The following NAT8L variants were observed in gnomAD, a reference collection of about 807,000 sequenced individuals.
NAT8L encodes aspartate N-acetyltransferase, also known as N-acetylaspartate synthetase.
A neutral mutation model predicts 21.2 loss-of-function variants in NAT8L; 6 were observed. The ratio of observed to expected loss-of-function variants is 0.28; its 90% confidence interval spans 0.16 to 0.56. The LOEUF (loss-of-function observed/expected upper bound fraction) is 0.56. Ranked by LOEUF, NAT8L falls within the 20% of genes least tolerant of loss-of-function variation. The pLI, the probability that NAT8L is intolerant of heterozygous loss-of-function variation, is 0.93. For missense variants in NAT8L, 331 were observed against 433.3 expected (o/e 0.76, Z 2.10); for synonymous variants, 239 against 204.9 (o/e 1.17, Z -1.42).
intron 2 of NAT8L, among the ~76,000 whole-genome samples, chr4:2,062,921 G>T (rs1304633126): frequency 2.0e-5 from 3 of 152,198 alleles, no homozygotes; most frequent in Non-Finnish European, 4.4e-5. Context: ...AGGTGGCTGG[G>T]CTTCCCCTGT....
Position 2,068,173 on chromosome 4 carries a change from ATG to A in NAT8L, c.*4051_*4052del, listed in dbSNP as rs1730043193. 2.0e-5 allele frequency: 3 copies of A among 152,004 alleles called. 1 individual carries two copies. The highest frequency in any genetic ancestry group is 7.3e-5 in the African/African-American group (3 of 41,324). 9.4% of individuals were successfully genotyped at this position (152,004 alleles called of 1,614,324 possible). ...GTTCTTGGATATGTGTAGTGTGAGCATGTGTGCATGTGTGAGCCTGTGCACGT... is the reference window on the plus strand; with the variant it reads ...GTTCTTGGATATGTGTAGTGTGAGCATGTGCATGTGTGAGCCTGTGCACGT... On this transcript the variant is annotated 3_prime_UTR_variant, in exon 3 of 3. Transcript: ENST00000423729.
rs1266298093 is a variant in NAT8L, at chr4:2,067,730, CGAGG to C, written c.*3606_*3609del. ...GTGGGGCCACCTTCCTGTCAGTGCC[CGAGG>C]GACGGTGGGACAGTTGCCCCTGCGC... On this transcript the variant is annotated 3_prime_UTR_variant, in exon 3 of 3. Transcript: ENST00000423729. 1 of 152,256 alleles carries C rather than the reference CGAGG, an allele frequency of 6.6e-6. No homozygotes were observed. Among genetic ancestry groups the C allele is most frequent in the Non-Finnish European group, 1.5e-5 (1 of 68,058 alleles). The allele number at this position is 152,256 out of a possible 1,614,324, so 9.4% of individuals were successfully genotyped here.
rs573031461 is a variant in NAT8L, at chr4:2,067,547, A to T, written c.*3420A>T. 1 of 152,184 alleles carries T rather than the reference A, an allele frequency of 6.6e-6. No homozygotes were observed. The highest frequency in any genetic ancestry group is 1.5e-5 in the Non-Finnish European group (1 of 68,080). The allele number at this position is 152,184 out of a possible 1,614,324, so 9.4% of individuals were successfully genotyped here. On this transcript the variant is annotated 3_prime_UTR_variant, in exon 3 of 3. Coordinates refer to ENST00000423729, the MANE Select transcript of NAT8L (RefSeq NM_178557.4). Reference sequence around the variant, plus strand: ...TGGGGAAGCTCTCTGGGCCATAGGGACCTGGCTCCCCTCTGAGAGGCCCGC... The same window carrying T: ...TGGGGAAGCTCTCTGGGCCATAGGGTCCTGGCTCCCCTCTGAGAGGCCCGC...
chr4:2,063,751 C>G lies in NAT8L; in HGVS notation c.542-9C>G. On this transcript the variant is annotated splice_polypyrimidine_tract_variant and intron_variant, in intron 2 of 2. Transcript: ENST00000423729. ...CACCGGGTGTCCCTGACCGCCCTAT[C>G]CCCTGCAGGCTCCTGCTTCTGGGTG... 6.2e-7 allele frequency: 1 copy of G among 1,610,514 alleles called. No individual in the cohort carries two copies. Among genetic ancestry groups the G allele is most frequent in the South Asian group, 1.1e-5 (1 of 91,070 alleles).
Position 2,066,551 on chromosome 4 carries a change from TGGGTGGGCCTGAC to T in NAT8L, c.*2425_*2437del, listed in dbSNP as rs2108682036. ...CCGGGGCTGGAGGCCGGGTGCCTGG[TGGGTGGGCCTGAC>T]CTGGCCCACCTCATCCCTCCAGCCT... On this transcript the variant is annotated 3_prime_UTR_variant, in exon 3 of 3. Transcript: ENST00000423729. The T allele has an allele frequency of 6.6e-6, 1 of 152,296 alleles. No homozygotes were observed. 9.4% of individuals were successfully genotyped at this position (152,296 alleles called of 1,614,324 possible).
At position 2,060,735 on chromosome 4, in the gene NAT8L, C is replaced by T. The variant is rs1463055957; in HGVS notation, c.377-263C>T. ...CCAGCGTGGGCAGAGTCCTTCCCGG[C>T]CCGGCCATCCCGAGGGTGTCCTGCC... is the stretch of plus-strand genomic sequence containing the variant. On this transcript the variant is annotated intron_variant, in intron 1 of 2. Coordinates refer to ENST00000423729, the MANE Select transcript of NAT8L (RefSeq NM_178557.4). This position sits in a 1 kb window ranked among gnomAD's most constrained non-coding sequence, Gnocchi z 4.7. Among the ~76,000 whole-genome samples, 2 of 152,252 alleles carry T rather than the reference C, an allele frequency of 1.3e-5. No homozygotes were observed. The highest frequency in any genetic ancestry group is 4.8e-5 in the African/African-American group (2 of 41,556).
Position 2,059,775 on chromosome 4 carries a change from G to A in NAT8L, c.264G>A (p.Gln88=). 1 of 1,352,300 alleles carries A rather than the reference G, an allele frequency of 7.4e-7. No individual in the cohort carries two copies. Among genetic ancestry groups the A allele is most frequent in the East Asian group, 3.7e-5 (1 of 26,812 alleles). The allele number at this position is 1,352,300 out of a possible 1,614,324, so 83.8% of individuals were successfully genotyped here. Residue 88 remains glutamine, a synonymous_variant, in exon 1 of 3, where the codon CAG becomes CAA. Coordinates refer to ENST00000423729, the MANE Select transcript of NAT8L (RefSeq NM_178557.4). This position sits in a 1 kb window ranked among gnomAD's most constrained non-coding sequence, Gnocchi z 4.8. ...TCCGCGAGTTCCGTGCGGCCGAGCA[G>A]GAGGCGGCGCGCCGCATCTTCTACG... ...VCIREFRAAE[Q]EAARRIFYDG... is the part of the protein sequence containing the mutation.
chr4:2,059,859 C>A lies in NAT8L; in HGVS notation c.348C>A (p.Arg116=). 7.3e-7 allele frequency: 1 copy of A among 1,377,590 alleles called. No individual in the cohort carries two copies. Among genetic ancestry groups the A allele is most frequent in the Non-Finnish European group, 9.5e-7 (1 of 1,054,714 alleles). 85.3% of individuals were successfully genotyped at this position (1,377,590 alleles called of 1,614,324 possible). The stretch of plus-strand genomic sequence containing the variant: ...TCCGCGGCCTGCGGCAGCACCCGCG[C>A]GCGCAGCTGCTCTACGCCCTGCTGG... The part of the protein sequence containing the change: ...TAFRGLRQHP[R]AQLLYALLAA... The change falls in exon 1 of 3, where the codon CGC becomes CGA. Residue 116 remains arginine (R), a synonymous_variant. Transcript: ENST00000423729. The surrounding 1 kb of genome is among the most constrained non-coding windows in gnomAD (Gnocchi z 4.8).
rs1399697431 is a variant in NAT8L, at chr4:2,060,960, C to G, written c.377-38C>G. 1 of 1,269,932 alleles carries G rather than the reference C, an allele frequency of 7.9e-7. No individual in the cohort carries two copies. The highest frequency in any genetic ancestry group is 1.6e-5 in the African/African-American group (1 of 63,900). 78.7% of individuals were successfully genotyped at this position (1,269,932 alleles called of 1,614,324 possible). On this transcript the variant is annotated intron_variant, in intron 1 of 2. Coordinates refer to ENST00000423729, the MANE Select transcript of NAT8L (RefSeq NM_178557.4). The surrounding 1 kb of genome is among the most constrained non-coding windows in gnomAD (Gnocchi z 4.7). ...GGGTGGCGTCTCTGGGGCCTGGGGACCCCCGCCGCGCCGCTGACCCGCGCC... is the reference window on the plus strand; with the variant it reads ...GGGTGGCGTCTCTGGGGCCTGGGGAGCCCCGCCGCGCCGCTGACCCGCGCC...
In NAT8L at chr4:2,060,312, C is replaced by T. The variant is rs1031769498; in HGVS notation, c.376+425C>T. ...GACAGCCGGCGCCGCGGGGGGTGCG[C>T]GCGCCTGGCACAGCCGGGGCGGTCG... is the stretch of plus-strand genomic sequence containing the variant. On this transcript the variant is annotated intron_variant, in intron 1 of 2. Coordinates refer to ENST00000423729, the MANE Select transcript of NAT8L (RefSeq NM_178557.4). This position sits in a 1 kb window ranked among gnomAD's most constrained non-coding sequence, Gnocchi z 4.7. Among the ~76,000 whole-genome samples the T allele has an allele frequency of 2.0e-5, 3 of 152,194 alleles. No individual in the cohort carries two copies. The highest frequency in any genetic ancestry group is 7.2e-5 in the African/African-American group (3 of 41,464).
At chr4:2,062,608 C>A (rs1332155345) in intron 2 of NAT8L, among the ~76,000 whole-genome samples, 1 of 152,060 alleles carries the variant, frequency 6.6e-6, no homozygotes, top group Non-Finnish European at 1.5e-5. Flanking sequence ...GGCAGCGGTG[C>A]CCAGTGGCTC....
rs1729808691 is a variant in NAT8L at position 2,059,466 on chromosome 4, C to G, written c.-46C>G. ...CTTGCCCTGGGCCCGGCCGTGCCCGCCGCCGCCCGGCCGCGTCCCCGCTGC... is the reference window on the plus strand; with the variant it reads ...CTTGCCCTGGGCCCGGCCGTGCCCGGCGCCGCCCGGCCGCGTCCCCGCTGC... On this transcript the variant is annotated 5_prime_UTR_variant, in exon 1 of 3. Transcript: ENST00000423729. This position sits in a 1 kb window ranked among gnomAD's most constrained non-coding sequence, Gnocchi z 4.8. The G allele has an allele frequency of 1.1e-6, 1 of 922,378 alleles. No homozygotes were observed. Among genetic ancestry groups the G allele is most frequent in the Non-Finnish European group, 1.3e-6 (1 of 775,914 alleles). The allele number at this position is 922,378 out of a possible 1,614,324, so 57.1% of individuals were successfully genotyped here.
At chr4:2,063,653 G>A in intron 2 of NAT8L, 107 bp from the exon 3 acceptor site, 1 of 1,586,482 alleles carries the variant, frequency 6.3e-7, no homozygotes. Context: ...CCCTGGCTTG[G>A]TGTCCAGCTG....
rs1040346222 is a variant in NAT8L at position 2,063,618 on chromosome 4, G to A, written c.542-142G>A. ...CAGAGCTGGTAGCTAGGCCCCGGGGGCTGCCGGGATTGGGTGTCCCACTGC... is the reference window on the plus strand; with the variant it reads ...CAGAGCTGGTAGCTAGGCCCCGGGGACTGCCGGGATTGGGTGTCCCACTGC... On this transcript the variant is annotated intron_variant, in intron 2 of 2. Transcript: ENST00000423729. 1.3e-5 allele frequency: 19 copies of A among 1,488,072 alleles called. No homozygotes were observed. In the East Asian group the frequency reaches 3.4e-4, roughly 27 times the overall value. The allele number at this position is 1,488,072 out of a possible 1,614,324, so 92.2% of individuals were successfully genotyped here. A position where few individuals can be genotyped will look rare whatever the true frequency, so the allele number is the denominator to read the frequency against.
Position 2,059,875 on chromosome 4 carries a change from G to A in NAT8L, c.364G>A (p.Ala122Thr). The A allele has an allele frequency of 7.4e-6, 10 of 1,346,018 alleles. No individual in the cohort carries two copies. Among genetic ancestry groups the A allele is most frequent in the Non-Finnish European group, 9.6e-6 (10 of 1,036,562 alleles). The allele number at this position is 1,346,018 out of a possible 1,614,324, so 83.4% of individuals were successfully genotyped here. Residue 122 changes from alanine to threonine, a missense_variant, in exon 1 of 3, where the codon GCC becomes ACC. This residue lies in a region of NAT8L where 199 missense variants were observed against 196.1 expected (regional missense o/e 1.01). Coordinates refer to ENST00000423729, the MANE Select transcript of NAT8L (RefSeq NM_178557.4). This position sits in a 1 kb window ranked among gnomAD's most constrained non-coding sequence, Gnocchi z 4.8. ...GCACCCGCGCGCGCAGCTGCTCTAC[G>A]CCCTGCTGGCGGGTCAGTGCGCCGG... ...RQHPRAQLLY[A>T]LLAALCFAVS...
In NAT8L at chr4:2,066,112, T is replaced by G. The variant is rs964867930; in HGVS notation, c.*1985T>G. ...CTCGGGCTCCTGGGGTGCAGGGTGCTTGGGGGTGGCTGTTGGAGCCCACCG... is the reference window on the plus strand; with the variant it reads ...CTCGGGCTCCTGGGGTGCAGGGTGCGTGGGGGTGGCTGTTGGAGCCCACCG... On this transcript the variant is annotated 3_prime_UTR_variant, in exon 3 of 3. Transcript: ENST00000423729. The G allele has an allele frequency of 6.6e-6, 1 of 152,460 alleles. No homozygotes were observed. The highest frequency in any genetic ancestry group is 1.5e-5 in the Non-Finnish European group (1 of 68,180). 9.4% of individuals were successfully genotyped at this position (152,460 alleles called of 1,614,324 possible). A position where few individuals can be genotyped will look rare whatever the true frequency, so the allele number is the denominator to read the frequency against.
At position 2,064,261 on chromosome 4, in the gene NAT8L, T is replaced by G. The variant is rs2108681123; in HGVS notation, c.*134T>G. 1 of 552,130 alleles carries G rather than the reference T, an allele frequency of 1.8e-6. No individual in the cohort carries two copies. The highest frequency in any genetic ancestry group is 6.2e-5 in the South Asian group (1 of 16,030). 34.2% of individuals were successfully genotyped at this position (552,130 alleles called of 1,614,324 possible). A position where few individuals can be genotyped will look rare whatever the true frequency, so the allele number is the denominator to read the frequency against. On this transcript the variant is annotated 3_prime_UTR_variant, in exon 3 of 3. Transcript: ENST00000423729. ...GTTTCCCCTTTTCAACATCCTGCGG[T>G]TGTCTGGCTGGTTCCGGGGGGTGCG...
Position 2,064,135 on chromosome 4 carries a change from C to G in NAT8L, c.*8C>G. 6.5e-7 allele frequency: 1 copy of G among 1,536,282 alleles called. No individual in the cohort carries two copies. Among genetic ancestry groups the G allele is most frequent in the South Asian group, 1.2e-5 (1 of 84,056 alleles). On this transcript the variant is annotated 3_prime_UTR_variant, in exon 3 of 3. Transcript: ENST00000423729. ...CAGCTGCGCGAGGAGTGACCGCCGC[C>G]GCTCGCCCGCCCGCCCCCCCGGCCG... is the stretch of plus-strand genomic sequence containing the variant.
intron 2 of NAT8L, 122 bp downstream of exon 2, chr4:2,061,284 C>T: frequency 3.3e-6 from 5 of 1,503,202 alleles, no homozygotes; most frequent in Non-Finnish European, 4.4e-6. Context: ...GCCGGGGCCC[C>T]TGTGACCTGA....
Sources: gnomAD v4.1 joint callset for allele counts (sites outside exome capture counted in the v4.1 genomes callset) on GRCh38, gnomAD v4.1.1 for gene constraint, gnomAD v4.1.1 regional missense constraint, Gnocchi (gnomAD v3.1) non-coding constraint, MANE v1.5 for transcripts, NCBI Gene and HGNC (gene_info 2026-07-23, HGNC 2026-07-21) for gene names.